The following SYT16 variants were observed in gnomAD, a reference collection of about 807,000 sequenced individuals.
SYT16 encodes synaptotagmin 16.
SYT16 carries 42 observed loss-of-function variants against 61.4 expected under a neutral mutation model. The ratio of observed to expected loss-of-function variants is 0.68; its 90% CI spans 0.53 to 0.89. The LOEUF (loss-of-function observed/expected upper bound fraction) is 0.89. Among genes scored for constraint, SYT16 ranks in the 40% least tolerant of loss-of-function variants. The pLI is 0.00. For synonymous variants in SYT16, 314 were observed against 302.3 expected (o/e 1.04, Z -0.40); for missense variants, 804 against 807.3 (o/e 1.00, Z 0.05).
chr14:61,982,329 A>G (rs2052116069), intron 2 of SYT16, among the ~76,000 whole-genome samples: 1 of 152,168 alleles, frequency 6.6e-6, no homozygotes, highest in Non-Finnish European at 1.5e-5. Context: ...TAATTTATAA[A>G]GAAAAAGAAG....
rs117639118 is a variant in SYT16 at position 62,099,820 on chromosome 14, G to A, written c.1625-574G>A. 9.0e-3 allele frequency among the ~76,000 whole-genome samples: 1,365 copies of A among 152,248 alleles called. 11 individuals are homozygous for A. Among genetic ancestry groups the A allele is most frequent in the Middle Eastern group, 0.034 (10 of 294 alleles). ...TTTGGGCCCAGAAGTCAAGGCTTTA[G>A]TGAGCTGTGATCATGCCACTGCACC... On this transcript the variant is annotated intron_variant, in intron 7 of 7. Coordinates refer to ENST00000683842, the MANE Select transcript of SYT16 (RefSeq NM_001367656.1).
chr14:61,981,597 GA>G (rs751850804), intron 2 of SYT16, among the ~76,000 whole-genome samples: 4 of 152,120 alleles, frequency 2.6e-5, no homozygotes, highest in Non-Finnish European at 5.9e-5. Flanking sequence ...CTGGCTCAGA[GA>G]ACATTCCTTT....
intron 5 of SYT16, 52 bp from the exon 6 acceptor site, chr14:62,080,782 G>A (rs2056679100): frequency 1.4e-5 from 22 of 1,535,882 alleles, no homozygotes; most frequent in Non-Finnish European, 1.8e-5. Flanking sequence ...TGGCCAAAAT[G>A]TAATTGGGTA....
intron 1 of SYT16, among the ~76,000 whole-genome samples, chr14:61,926,520 AAG>A (rs2049545702): frequency 6.6e-6 from 1 of 152,140 alleles, no homozygotes; most frequent in Non-Finnish European, 1.5e-5. Context: ...CCAGGAGAAT[AAG>A]AGTGTAAAAA....
At chr14:61,812,680 G>T (rs2045303863), upstream of SYT16, 1 of 146,484 alleles carries the variant, frequency 6.8e-6, no homozygotes, top group Non-Finnish European at 1.5e-5. Context: ...GCGGCAGGAG[G>T]GGCTGTGCGC....
intron 1 of SYT16, among the ~76,000 whole-genome samples, chr14:61,906,523 T>G (rs2048716109): frequency 6.6e-6 from 1 of 152,220 alleles, no homozygotes; most frequent in Non-Finnish European, 1.5e-5. Flanking sequence ...TTTTTTAGTA[T>G]AGTTTTCCTT....
intron 5 of SYT16, among the ~76,000 whole-genome samples, chr14:62,079,682 G>C (rs534447799): frequency 6.6e-6 from 1 of 152,320 alleles, no homozygotes; most frequent in African/African-American, 2.4e-5. Context: ...ATAAGAACTG[G>C]TTTGCAATAA....
At position 62,110,564 on chromosome 14, in the gene SYT16, G is replaced by T. The variant is rs543099938; in HGVS notation, c.*9857G>T. ...CACTTTTAGAGCTCTGCCAATCAGT[G>T]GGCCATATTCATAGAATGTCAGTAA... On this transcript the variant is annotated 3_prime_UTR_variant, in exon 8 of 8. Transcript: ENST00000683842. 6.6e-6 allele frequency: 1 copy of T among 152,122 alleles called. No individual in the cohort carries two copies. Among genetic ancestry groups the T allele is most frequent in the African/African-American group, 2.4e-5 (1 of 41,524 alleles). The allele number at this position is 152,122 out of a possible 1,614,324, so 9.4% of individuals were successfully genotyped here. A position where few individuals can be genotyped will look rare whatever the true frequency, so the allele number is the denominator to read the frequency against.
At chr14:61,983,325 A>T (rs2052165377) in intron 2 of SYT16, among the ~76,000 whole-genome samples, 1 of 152,222 alleles carries the variant, frequency 6.6e-6, no homozygotes, top group South Asian at 2.1e-4. Context: ...TACCTTATTC[A>T]TAAAAGCTCT....
At chr14:62,076,995 C>G (rs909326059) in intron 5 of SYT16, among the ~76,000 whole-genome samples, 5 of 152,208 alleles carry the variant, frequency 3.3e-5, no homozygotes, top group African/African-American at 1.2e-4. Flanking sequence ...TGAGAAAAAA[C>G]TGTAATTTGG....
At chr14:62,037,834 T>C (rs1051635191) in intron 3 of SYT16, among the ~76,000 whole-genome samples, 3 of 152,158 alleles carry the variant, frequency 2.0e-5, no homozygotes, top group Non-Finnish European at 4.4e-5. Context: ...AACCTGACTT[T>C]CCTGCCTGCT....
At chr14:62,051,718 G>A (rs76134318) in intron 3 of SYT16, among the ~76,000 whole-genome samples, 6 of 152,064 alleles carry the variant, frequency 3.9e-5, no homozygotes, top group South Asian at 2.1e-4. Context: ...TATCTCAGTC[G>A]ATCTTGTTAG....
At chr14:62,028,445 G>A (rs182600190) in intron 3 of SYT16, among the ~76,000 whole-genome samples, 53 of 152,282 alleles carry the variant, frequency 3.5e-4, no homozygotes, top group African/African-American at 1.3e-3. Flanking sequence ...ACTTACCAGG[G>A]TCACACAGCT....
At chr14:61,932,133 A>G (rs965566141) in intron 1 of SYT16, among the ~76,000 whole-genome samples, 2 of 152,200 alleles carry the variant, frequency 1.3e-5, no homozygotes. Context: ...ACCAGCCAGC[A>G]CACCCAGCTC....
At chr14:61,819,288 ATT>A (rs756349376) in intron 1 of SYT16, among the ~76,000 whole-genome samples, 33 of 152,240 alleles carry the variant, frequency 2.2e-4, no homozygotes, top group Non-Finnish European at 3.7e-4. Flanking sequence ...TAAGATGGCT[ATT>A]ATGCCATTTA....
intron 1 of SYT16, among the ~76,000 whole-genome samples, chr14:61,928,198 G>A (rs774800960): frequency 4.6e-5 from 7 of 152,136 alleles, no homozygotes; most frequent in African/African-American, 7.2e-5. Flanking sequence ...GTTGAAAGGC[G>A]GAGCTAGACA....
At chr14:61,987,289 G>C (rs770889757) in intron 2 of SYT16, among the ~76,000 whole-genome samples, 5 of 152,154 alleles carry the variant, frequency 3.3e-5, no homozygotes, top group Non-Finnish European at 5.9e-5. Flanking sequence ...AGCACTTAAA[G>C]ACAAGATGGA....
intron 3 of SYT16, among the ~76,000 whole-genome samples, chr14:62,056,230 C>G (rs530260178): frequency 1.3e-5 from 2 of 152,334 alleles, no homozygotes; most frequent in Admixed American, 1.3e-4. Flanking sequence ...TATCTCACGT[C>G]TACCAGGTCT....
intron 2 of SYT16, among the ~76,000 whole-genome samples, chr14:61,975,944 C>G (rs376726695): frequency 3.9e-5 from 6 of 152,190 alleles, no homozygotes; most frequent in East Asian, 1.9e-4. Flanking sequence ...CAAGGCAAGT[C>G]CCTTCCACCT....
Sources: allele counts gnomAD v4.1 joint callset (sites outside exome capture counted in the v4.1 genomes callset), GRCh38; gene constraint gnomAD v4.1.1; transcripts MANE v1.5; gene names NCBI Gene and HGNC (gene_info 2026-07-23, HGNC 2026-07-21).